Variants in VWA8 observed in about 807,000 individuals in gnomAD.
VWA8 encodes the protein von Willebrand factor A domain-containing protein 8.
VWA8 carries 221 observed loss-of-function variants against 241.5 expected under a neutral mutation model. That is an observed-to-expected ratio of 0.91 (90% CI 0.82 to 1.02). VWA8 has a LOEUF of 1.02. Ranked by LOEUF, VWA8 falls within the 50% of genes least tolerant of loss-of-function variation. The pLI, the probability that VWA8 is intolerant of heterozygous loss-of-function variation, is 0.00. For missense variants in VWA8, 2,322 were observed against 2,328.7 expected, an observed-to-expected ratio of 1.00 and a Z score of 0.06; for synonymous variants, 852 against 827.1, an observed-to-expected ratio of 1.03 and a Z score of -0.52.
At chr13:41,572,598 T>C (rs2044315182) in intron 43 of VWA8, among the ~76,000 whole-genome samples, 1 of 151,866 alleles carries the variant, frequency 6.6e-6, no homozygotes. Flanking sequence ...GAAGGCAGCA[T>C]GCTCCTTAAG....
chr13:41,571,073 A>T (rs2044298182), intron 43 of VWA8, among the ~76,000 whole-genome samples: 1 of 152,218 alleles, frequency 6.6e-6, no homozygotes, highest in South Asian at 2.1e-4. Context: ...TTGAGTTTCC[A>T]ATAAACAAAG....
At chr13:41,752,548 T>A (rs900147512) in intron 21 of VWA8, among the ~76,000 whole-genome samples, 17 of 152,120 alleles carry the variant, frequency 1.1e-4, no homozygotes, top group African/African-American at 4.1e-4. Flanking sequence ...TGAATTAACA[T>A]ACAGTGAATA....
Position 41,641,786 on chromosome 13 carries a change from AAAG to A in VWA8, c.4612-26705_4612-26703del, listed in dbSNP as rs1382521931. Among the ~76,000 whole-genome samples the A allele has an allele frequency of 9.4e-5, 14 of 148,388 alleles. No individual in the cohort carries two copies. The South Asian group carries it at 3.1e-3, about 33-fold the overall frequency. On this transcript the variant is annotated intron_variant, in intron 37 of 44. Coordinates refer to ENST00000379310, the MANE Select transcript of VWA8 (RefSeq NM_015058.2). ...TGAATGCATTATAAGTTTATAATGC[AAAG>A]AAGATTTTTATGGGAAAAAAAAAAC...
chr13:41,570,332 A>G, intron 44 of VWA8, 136 bp downstream of exon 44: 1 of 700,758 alleles, frequency 1.4e-6, no homozygotes. Context: ...AAACCCCTTG[A>G]GGCTAGTAAC....
At chr13:41,573,001 C>T (rs189770419) in intron 43 of VWA8, among the ~76,000 whole-genome samples, 3 of 147,566 alleles carry the variant, frequency 2.0e-5, no homozygotes, top group Admixed American at 1.4e-4. Context: ...CTCAGCTGCT[C>T]GGAGGGCTGG....
At chr13:41,913,152 T>G (rs897127322) in intron 2 of VWA8, among the ~76,000 whole-genome samples, 1 of 152,214 alleles carries the variant, frequency 6.6e-6, no homozygotes, top group African/African-American at 2.4e-5. Flanking sequence ...ATAAATCATG[T>G]ATAATACCAT....
Position 41,727,307 on chromosome 13 carries a change from G to T in VWA8, c.2645C>A (p.Ala882Asp). 1 of 1,512,576 alleles carries T rather than the reference G, an allele frequency of 6.6e-7. No individual in the cohort carries two copies. Among genetic ancestry groups the T allele is most frequent in the Non-Finnish European group, 8.8e-7 (1 of 1,130,842 alleles). The allele number at this position is 1,512,576 out of a possible 1,614,324, so 93.7% of individuals were successfully genotyped here. Reference protein sequence around the residue: ...ADGRRIVANSANVNGRENVVV... With the variant: ...ADGRRIVANSDNVNGRENVVV... Reference sequence around the variant, plus strand: ...AACATTTTCTCTTCCATTCACATTAGCAGAATCTGAAAAACAAAATTTGTT... The same window carrying T: ...AACATTTTCTCTTCCATTCACATTATCAGAATCTGAAAAACAAAATTTGTT... The change falls in exon 24 of 45, where the codon GCT becomes GAT. Residue 882 changes from alanine to aspartate, a missense_variant. Ala to Asp is a moderately radical substitution (Grantham distance 126, BLOSUM62 -2). Coordinates refer to ENST00000379310, the MANE Select transcript of VWA8 (RefSeq NM_015058.2).
At chr13:41,625,267 G>A (rs938371528) in intron 37 of VWA8, among the ~76,000 whole-genome samples, 6 of 151,978 alleles carry the variant, frequency 3.9e-5, no homozygotes, top group Admixed American at 2.0e-4. Context: ...TGCACAGCAA[G>A]AGAAACTACC....
At chr13:41,754,867 T>C (rs2045682724) in intron 21 of VWA8, among the ~76,000 whole-genome samples, 1 of 140,848 alleles carries the variant, frequency 7.1e-6, no homozygotes, top group South Asian at 2.3e-4. Context: ...TTTGTCTTTC[T>C]GTGCCTGGCT....
intron 2 of VWA8, among the ~76,000 whole-genome samples, chr13:41,913,258 G>T (rs1876095806): frequency 6.6e-6 from 1 of 152,156 alleles, no homozygotes; most frequent in Non-Finnish European, 1.5e-5. Context: ...CAAGGGAATT[G>T]TAAGTTGATG....
intron 21 of VWA8, among the ~76,000 whole-genome samples, chr13:41,756,783 C>T (rs2045697570): frequency 6.6e-6 from 1 of 151,418 alleles, no homozygotes. Flanking sequence ...AATTTAAATT[C>T]ATTTGTTTTG....
chr13:41,682,053 A>G (rs1315864714), intron 35 of VWA8, among the ~76,000 whole-genome samples: 1 of 152,218 alleles, frequency 6.6e-6, no homozygotes, highest in Non-Finnish European at 1.5e-5. Flanking sequence ...TGACTAAAAC[A>G]GTTTTGAAAA....
At chr13:41,711,534 A>G (rs1566424518) in intron 26 of VWA8, among the ~76,000 whole-genome samples, 1 of 152,216 alleles carries the variant, frequency 6.6e-6, no homozygotes, top group Non-Finnish European at 1.5e-5. Context: ...GATTATATTA[A>G]TGATCGTAAT....
rs546550974 is a variant in VWA8 at position 41,611,641 on chromosome 13, T to C, written c.4812A>G (p.Lys1604=). The stretch of plus-strand genomic sequence containing the variant: ...TCTTGACCTCTTCGGGAACTGCATC[T>C]TTCTCAGCCTGAGAGACCTGGTACA... ...HTVYQVSQAE[K]DAVPEEVKRA... is the part of the protein sequence containing the mutation. The change falls in exon 39 of 45, where the codon AAA becomes AAG. Residue 1604 remains lysine, a synonymous_variant. Coordinates refer to ENST00000379310, the MANE Select transcript of VWA8 (RefSeq NM_015058.2). 1 of 1,614,116 alleles carries C rather than the reference T, an allele frequency of 6.2e-7. No homozygotes were observed. Among genetic ancestry groups the C allele is most frequent in the South Asian group, 1.1e-5 (1 of 91,086 alleles).
intron 12 of VWA8, among the ~76,000 whole-genome samples, chr13:41,858,277 A>C (rs1872847640): frequency 6.6e-6 from 1 of 152,212 alleles, no homozygotes; most frequent in South Asian, 2.1e-4. Context: ...AATATTCTAC[A>C]TAAAAGAGGC....
intron 12 of VWA8, 43 bp from the exon 13 acceptor site, chr13:41,833,574 A>C: frequency 1.3e-6 from 2 of 1,533,738 alleles, no homozygotes; most frequent in Non-Finnish European, 1.8e-6. Context: ...ATGACGAATT[A>C]ATTTTTAAGA....
intron 26 of VWA8, among the ~76,000 whole-genome samples, chr13:41,707,369 C>G (rs2045289205): frequency 6.6e-6 from 1 of 152,142 alleles, no homozygotes; most frequent in Non-Finnish European, 1.5e-5. Flanking sequence ...AGATTTGGAT[C>G]TTTCTAGGGG....
intron 29 of VWA8, among the ~76,000 whole-genome samples, chr13:41,694,789 T>C (rs913416527): frequency 1.8e-4 from 28 of 152,240 alleles, no homozygotes; most frequent in African/African-American, 6.7e-4. Context: ...ATTAAACAAA[T>C]ATGATCAAGC....
rs373217796 is a variant in VWA8, at chr13:41,711,691, G to A, written c.3116+7900C>T. On this transcript the variant is annotated intron_variant, in intron 26 of 44. Coordinates refer to ENST00000379310, the MANE Select transcript of VWA8 (RefSeq NM_015058.2). ...AGATCGAGACCATCCTAGCTAACAC[G>A]GTGAAACCCCGTCTCTACTAAAAAT... Among the ~76,000 whole-genome samples, 372 of 152,158 alleles carry A rather than the reference G, an allele frequency of 2.4e-3. 1 individual carries two copies. The highest frequency in any genetic ancestry group is 0.021 in the South Asian group (102 of 4,812).
Sources: gnomAD v4.1 joint callset for allele counts (sites outside exome capture counted in the v4.1 genomes callset) on GRCh38, gnomAD v4.1.1 for gene constraint, MANE v1.5 for transcripts, NCBI Gene and HGNC (gene_info 2026-07-23, HGNC 2026-07-21) for gene names.